Variants in PNPO observed in about 807,000 individuals in gnomAD.
PNPO encodes pyridoxamine 5'-phosphate oxidase.
In PNPO, 39 loss-of-function variants were observed where a neutral mutation model predicts 35.0. The ratio of observed to expected loss-of-function variants is 1.11; its 90% CI spans 0.86 to 1.45. The LOEUF (loss-of-function observed/expected upper bound fraction) is 1.45. PNPO is among the 40% of genes most tolerant of loss of function. The probability of loss-of-function intolerance (pLI) is 0.00; values close to 1 mark genes in which losing one functional copy is unlikely to be tolerated. For missense variants in PNPO, 288 were observed against 340.0 expected (o/e 0.85, Z 1.20); for synonymous variants, 115 against 119.8 (o/e 0.96, Z 0.26).
intron 1 of PNPO, among the ~76,000 whole-genome samples, chr17:47,943,065 A>G (rs1040095994): frequency 3.3e-5 from 5 of 152,222 alleles, no homozygotes; most frequent in South Asian, 2.1e-4. Context: ...TTTGACACCC[A>G]TGACATGTAA....
Position 47,946,506 on chromosome 17 carries a change from G to A in PNPO, c.618-108G>A, listed in dbSNP as rs533495234. ...TCCTCCCTGGCCACCCTTGTCAGAT[G>A]CATCCCAGCAACTTCCTTCAAGAGG... On this transcript the variant is annotated intron_variant, in intron 6 of 6. Transcript: ENST00000642017. 14 of 1,417,522 alleles carry A rather than the reference G, an allele frequency of 9.9e-6. No individual in the cohort carries two copies. In the East Asian group the frequency reaches 2.7e-4, roughly 28 times the overall value. 87.8% of individuals were successfully genotyped at this position (1,417,522 alleles called of 1,614,324 possible).
chr17:47,945,508 G>T lies in PNPO; in HGVS notation c.364-51G>T, dbSNP rs368848597. 6.9e-7 allele frequency: 1 copy of T among 1,445,288 alleles called. No individual in the cohort carries two copies. The allele number at this position is 1,445,288 out of a possible 1,614,324, so 89.5% of individuals were successfully genotyped here. A position where few individuals can be genotyped will look rare whatever the true frequency, so the allele number is the denominator to read the frequency against. ...CCTGCCTTTTCCCTGCATGCCGGAG[G>T]CCTCCTCTCCCTGTCCTGATGGCTG... On this transcript the variant is annotated intron_variant, in intron 3 of 6. Coordinates refer to ENST00000642017, the MANE Select transcript of PNPO (RefSeq NM_018129.4). The surrounding 1 kb of genome is among the most constrained non-coding windows in gnomAD (Gnocchi z 4.0).
intron 5 of PNPO, 29 bp downstream of exon 5, chr17:47,946,018 G>A: frequency 1.9e-6 from 3 of 1,612,244 alleles, no homozygotes; most frequent in South Asian, 1.1e-5. Flanking sequence ...TAGTCCTCCA[G>A]GTGGTGGAGG....
Position 47,945,775 on chromosome 17 carries a change from C to A in PNPO, c.418-86C>A. 1 of 1,549,024 alleles carries A rather than the reference C, an allele frequency of 6.5e-7. No homozygotes were observed. The highest frequency in any genetic ancestry group is 2.3e-5 in the East Asian group (1 of 43,628). On this transcript the variant is annotated intron_variant, in intron 4 of 6. Coordinates refer to ENST00000642017, the MANE Select transcript of PNPO (RefSeq NM_018129.4). This position sits in a 1 kb window ranked among gnomAD's most constrained non-coding sequence, Gnocchi z 4.0. ...TTGGAGCCAAGAGTGGTGGGGCAGC[C>A]GATCGAACAGAGAGGAACGGGGCCT...
Position 47,945,502 on chromosome 17 carries a change from C to A in PNPO, c.364-57C>A, listed in dbSNP as rs1484303773. ...AGCTCTCCTGCCTTTTCCCTGCATG[C>A]CGGAGGCCTCCTCTCCCTGTCCTGA... On this transcript the variant is annotated intron_variant, in intron 3 of 6. Transcript: ENST00000642017. The surrounding 1 kb of genome is among the most constrained non-coding windows in gnomAD (Gnocchi z 4.0). 1 of 1,387,486 alleles carries A rather than the reference C, an allele frequency of 7.2e-7. No homozygotes were observed. The highest frequency in any genetic ancestry group is 1.4e-5 in the African/African-American group (1 of 70,714). The allele number at this position is 1,387,486 out of a possible 1,614,324, so 85.9% of individuals were successfully genotyped here. A position where few individuals can be genotyped will look rare whatever the true frequency, so the allele number is the denominator to read the frequency against.
At chr17:47,946,168 T>A (rs2036006302) in intron 5 of PNPO, 155 bp from the exon 6 acceptor site, 4 of 1,009,000 alleles carry the variant, frequency 4.0e-6, no homozygotes, top group Non-Finnish European at 4.6e-6. Flanking sequence ...GAAATAGGCC[T>A]CCTCTGTCCA....
intron 5 of PNPO, 48 bp from the exon 6 acceptor site, chr17:47,946,275 A>T: frequency 7.1e-7 from 1 of 1,398,748 alleles, no homozygotes; most frequent in South Asian, 1.2e-5. Context: ...CTTGTTAATG[A>T]ATCATTGACT....
In PNPO at chr17:47,945,646, G is replaced by T. The variant is rs1191545654; in HGVS notation, c.417+34G>T. On this transcript the variant is annotated intron_variant, in intron 4 of 6. Transcript: ENST00000642017. The surrounding 1 kb of genome is among the most constrained non-coding windows in gnomAD (Gnocchi z 4.0). ...ATTTTCCCAGGACAGCCTGGGATGG[G>T]CTGGGTTGGCAGGGCCTGAGTTTAT... is the stretch of plus-strand genomic sequence containing the variant. 10 of 1,569,894 alleles carry T rather than the reference G, an allele frequency of 6.4e-6. No homozygotes were observed. The highest frequency in any genetic ancestry group is 8.8e-6 in the Non-Finnish European group (10 of 1,139,522).
At chr17:47,944,200 CGTGTGTGTGTGT>C (rs3047638) in intron 2 of PNPO, among the ~76,000 whole-genome samples, 5,202 of 142,232 alleles carry the variant, frequency 0.037, 303 homozygotes, top group African/African-American at 0.13. Context: ...CACTGCCTTT[CGTGTGTGTGTGT>C]GTGTGTGTGT....
Position 47,946,694 on chromosome 17 carries a change from G to C in PNPO, c.698G>C (p.Arg233Pro). ...TNRLHDRIVF[R>P]RGLPTGDSPL... is the part of the protein sequence containing the mutation. ...CGCCTGCATGACCGGATAGTCTTTC[G>C]GCGGGGCCTACCCACAGGAGATTCC... The change falls in exon 7 of 7, where the codon CGG becomes CCG. Residue 233 changes from arginine (R) to proline (P), a missense_variant. Coordinates refer to ENST00000642017, the MANE Select transcript of PNPO (RefSeq NM_018129.4). 1.2e-6 allele frequency: 2 copies of C among 1,614,170 alleles called. No individual in the cohort carries two copies.
At chr17:47,946,235 C>A in intron 5 of PNPO, 88 bp from the exon 6 acceptor site, 1 of 1,136,166 alleles carries the variant, frequency 8.8e-7, no homozygotes, top group Non-Finnish European at 1.3e-6. Context: ...TCTGCTCACC[C>A]ATGTCCCCAG....
In PNPO at chr17:47,943,273, TG is replaced by T. The variant is rs149510779; in HGVS notation, c.139-32del. The T allele has an allele frequency of 2.5e-5, 40 of 1,584,868 alleles. No individual in the cohort carries two copies. In the African/African-American group the frequency reaches 4.8e-4, roughly 19 times the overall value. On this transcript the variant is annotated intron_variant, in intron 1 of 6. Transcript: ENST00000642017. ...CCAGGTCCATAGTAAGCACTATATA[TG>T]TTTATTAAATGAAATAAATCTCCTT...
Position 47,941,659 on chromosome 17 carries a change from G to A in PNPO, c.-17G>A, listed in dbSNP as rs769282563. Reference sequence around the variant, plus strand: ...CAGTGCCGGGCCACAGCCGGGTCACGTGGCCGGCGGCCCCCCATGACGTGC... The same window carrying A: ...CAGTGCCGGGCCACAGCCGGGTCACATGGCCGGCGGCCCCCCATGACGTGC... On this transcript the variant is annotated 5_prime_UTR_variant, in exon 1 of 7. It adds an upstream start codon to the 5' untranslated region. Coordinates refer to ENST00000642017, the MANE Select transcript of PNPO (RefSeq NM_018129.4). 4.6e-6 allele frequency: 7 copies of A among 1,523,084 alleles called. No individual in the cohort carries two copies. In the South Asian group the frequency reaches 8.4e-5, roughly 18 times the overall value. 94.3% of individuals were successfully genotyped at this position (1,523,084 alleles called of 1,614,324 possible).
At position 47,945,817 on chromosome 17, in the gene PNPO, C is replaced by T. The variant is rs531212245; in HGVS notation, c.418-44C>T. On this transcript the variant is annotated intron_variant, in intron 4 of 6. Coordinates refer to ENST00000642017, the MANE Select transcript of PNPO (RefSeq NM_018129.4). This position sits in a 1 kb window ranked among gnomAD's most constrained non-coding sequence, Gnocchi z 4.0. ...ACGGGGCCTGTGCTGGTAGGGAGGG[C>T]AGGTGGCATTTAATGCCATTCACCC... 2 of 1,605,348 alleles carry T rather than the reference C, an allele frequency of 1.2e-6. No individual in the cohort carries two copies. The highest frequency in any genetic ancestry group is 2.7e-5 in the African/African-American group (2 of 74,840).
chr17:47,944,769 C>T, intron 3 of PNPO, 54 bp downstream of exon 3: 1 of 1,400,936 alleles, frequency 7.1e-7, no homozygotes, highest in Non-Finnish European at 1.0e-6. Flanking sequence ...TTGGCTCTTG[C>T]TTCCTCAGTC....
intron 2 of PNPO, 63 bp downstream of exon 2, chr17:47,943,493 C>G: frequency 6.3e-7 from 1 of 1,596,848 alleles, no homozygotes; most frequent in Non-Finnish European, 8.6e-7. Flanking sequence ...TTATGAAGCT[C>G]TCTACTCTGG....
chr17:47,948,656 A>T lies in PNPO; in HGVS notation c.*1874A>T, dbSNP rs1665115170. On this transcript the variant is annotated 3_prime_UTR_variant, in exon 7 of 7. Transcript: ENST00000642017. The stretch of plus-strand genomic sequence containing the variant: ...GAATCTGACCCTGCATTTTCACTAG[A>T]CCCCAGGTGATCAGCTGCACTAGAC... 2 of 152,024 alleles carry T rather than the reference A, an allele frequency of 1.3e-5. No homozygotes were observed. Among genetic ancestry groups the T allele is most frequent in the Non-Finnish European group, 2.9e-5 (2 of 68,060 alleles). The allele number at this position is 152,024 out of a possible 1,614,324, so 9.4% of individuals were successfully genotyped here.
rs2144164500 is a variant in PNPO at position 47,945,528 on chromosome 17, T to C, written c.364-31T>C. On this transcript the variant is annotated intron_variant, in intron 3 of 6. Transcript: ENST00000642017. The surrounding 1 kb of genome is among the most constrained non-coding windows in gnomAD (Gnocchi z 4.0). ...CGGAGGCCTCCTCTCCCTGTCCTGA[T>C]GGCTGGCTGTGGATTCTCTTTTACT... 1.3e-6 allele frequency: 2 copies of C among 1,599,888 alleles called. No homozygotes were observed. Among genetic ancestry groups the C allele is most frequent in the East Asian group, 4.5e-5 (2 of 44,798 alleles).
Position 47,945,746 on chromosome 17 carries a change from T to G in PNPO, c.418-115T>G. On this transcript the variant is annotated intron_variant, in intron 4 of 6. Coordinates refer to ENST00000642017, the MANE Select transcript of PNPO (RefSeq NM_018129.4). The surrounding 1 kb of genome is among the most constrained non-coding windows in gnomAD (Gnocchi z 4.0). The stretch of plus-strand genomic sequence containing the variant: ...ACTCTGCCTCTAAAATAGCCCTCAG[T>G]TAGTTGGAGCCAAGAGTGGTGGGGC... 1 of 1,473,920 alleles carries G rather than the reference T, an allele frequency of 6.8e-7. No homozygotes were observed. Among genetic ancestry groups the G allele is most frequent in the Non-Finnish European group, 9.4e-7 (1 of 1,060,706 alleles). The allele number at this position is 1,473,920 out of a possible 1,614,324, so 91.3% of individuals were successfully genotyped here. A position where few individuals can be genotyped will look rare whatever the true frequency, so the allele number is the denominator to read the frequency against.
Sources: gnomAD v4.1 joint callset for allele counts (sites outside exome capture counted in the v4.1 genomes callset) on GRCh38, gnomAD v4.1.1 for gene constraint, Gnocchi (gnomAD v3.1) non-coding constraint, MANE v1.5 for transcripts, NCBI Gene and HGNC (gene_info 2026-07-23, HGNC 2026-07-21) for gene names.